The following PPHLN1 variants were observed in gnomAD, a reference collection of about 807,000 sequenced individuals.
PPHLN1 encodes periphilin 1.
In PPHLN1, 29 loss-of-function variants were observed where a neutral mutation model predicts 51.3. That is an observed-to-expected ratio of 0.57 (90% CI 0.42 to 0.77). The LOEUF is 0.77. Among genes scored for constraint, PPHLN1 ranks in the 30% least tolerant of loss-of-function variants. PPHLN1 has a pLI of 0.00. For missense variants in PPHLN1, 436 were observed against 438.4 expected (o/e 0.99, Z 0.05); for synonymous variants, 147 against 147.8 (o/e 0.99, Z 0.04).
intron 9 of PPHLN1, among the ~76,000 whole-genome samples, chr12:42,409,191 G>A (rs373187984): frequency 6.6e-6 from 1 of 152,076 alleles, no homozygotes; most frequent in African/African-American, 2.4e-5. Context: ...TGCTGATTGG[G>A]GGTGAGGGGA....
intron 9 of PPHLN1, among the ~76,000 whole-genome samples, chr12:42,415,793 T>G: frequency 6.6e-6 from 1 of 152,222 alleles, no homozygotes. Context: ...TTCTGAGAAA[T>G]GTAGTGTGTT....
intron 1 of PPHLN1, among the ~76,000 whole-genome samples, chr12:42,328,215 C>T (rs2069107831): frequency 6.6e-6 from 1 of 152,108 alleles, no homozygotes; most frequent in Admixed American, 6.5e-5. Context: ...GGAAAATAAA[C>T]AGCTCCGTGG....
chr12:42,365,418 T>C (rs1260630606), intron 4 of PPHLN1, among the ~76,000 whole-genome samples: 2 of 152,214 alleles, frequency 1.3e-5, no homozygotes, highest in Non-Finnish European at 2.9e-5. Context: ...CATTCTTCCC[T>C]TCCCTTGTAT....
At chr12:42,338,386 G>A (rs1251729301) in intron 2 of PPHLN1, among the ~76,000 whole-genome samples, 1 of 152,186 alleles carries the variant, frequency 6.6e-6, no homozygotes, top group Non-Finnish European at 1.5e-5. Flanking sequence ...AAGATGAGTA[G>A]TGGATCCAGG....
chr12:42,375,736 T>C (rs2076213876), intron 5 of PPHLN1, among the ~76,000 whole-genome samples: 1 of 152,232 alleles, frequency 6.6e-6, no homozygotes, highest in African/African-American at 2.4e-5. Flanking sequence ...CATGACATTC[T>C]GTACAATCTT....
chr12:42,397,936 A>G (rs1047493638), intron 8 of PPHLN1, among the ~76,000 whole-genome samples: 1 of 148,612 alleles, frequency 6.7e-6, no homozygotes, highest in Admixed American at 6.7e-5. Flanking sequence ...GTTGGCCAGT[A>G]TGGTCTTGAT....
intron 9 of PPHLN1, among the ~76,000 whole-genome samples, chr12:42,434,021 C>T (rs997588004): frequency 6.6e-6 from 1 of 152,174 alleles, no homozygotes; most frequent in Admixed American, 6.5e-5. Flanking sequence ...AGAGCTGCTA[C>T]AAAGGTGGTA....
intron 6 of PPHLN1, 41 bp downstream of exon 6, chr12:42,385,037 G>T: frequency 6.5e-7 from 1 of 1,539,154 alleles, no homozygotes; most frequent in Non-Finnish European, 9.0e-7. Context: ...TTGTGAAGGG[G>T]TGGGAGACTT....
chr12:42,333,283 T>A (rs1158927183), intron 1 of PPHLN1, among the ~76,000 whole-genome samples: 4 of 152,152 alleles, frequency 2.6e-5, no homozygotes, highest in Non-Finnish European at 5.9e-5. Flanking sequence ...TGTAACTGAT[T>A]GGTTCAGCAA....
chr12:42,401,937 C>A (rs1817080285), intron 9 of PPHLN1, among the ~76,000 whole-genome samples: 1 of 152,086 alleles, frequency 6.6e-6, no homozygotes, highest in Non-Finnish European at 1.5e-5. Flanking sequence ...TCACTGCAGC[C>A]ACCACCCCCC....
At position 42,393,566 on chromosome 12, in the gene PPHLN1, T is replaced by C. The variant is rs747229018; in HGVS notation, c.649-4T>C. 1 of 1,583,484 alleles carries C rather than the reference T, an allele frequency of 6.3e-7. No individual in the cohort carries two copies. The highest frequency in any genetic ancestry group is 8.5e-7 in the Non-Finnish European group (1 of 1,170,314). On this transcript the variant is annotated splice_polypyrimidine_tract_variant and splice_region_variant and intron_variant, in intron 7 of 9. Coordinates refer to ENST00000358314, the MANE Select transcript of PPHLN1 (RefSeq NM_201439.2). Reference sequence around the variant, plus strand: ...TTGTAACAGAAATGTTCTATTTTTATTAGGTGTTAGACAAACCCAGTAGGC... The same window carrying C: ...TTGTAACAGAAATGTTCTATTTTTACTAGGTGTTAGACAAACCCAGTAGGC...
chr12:42,428,818 TTC>T (rs1491089450), intron 9 of PPHLN1, among the ~76,000 whole-genome samples: 11,107 of 138,454 alleles, frequency 0.08, 447 homozygotes, highest in East Asian at 0.12. Flanking sequence ...CCTTTTTAAC[TTC>T]TTTTTTTTTT....
intron 9 of PPHLN1, among the ~76,000 whole-genome samples, chr12:42,439,069 T>G (rs186299138): frequency 6.6e-6 from 1 of 152,088 alleles, no homozygotes; most frequent in Admixed American, 6.6e-5. Flanking sequence ...TTTATTGGGG[T>G]TTTTCTTGGA....
At chr12:42,420,050 A>G (rs1234875861) in intron 9 of PPHLN1, among the ~76,000 whole-genome samples, 1 of 152,198 alleles carries the variant, frequency 6.6e-6, no homozygotes, top group African/African-American at 2.4e-5. Context: ...CTTCTTTGCC[A>G]TCAAAAAATA....
intron 4 of PPHLN1, among the ~76,000 whole-genome samples, chr12:42,373,626 C>G (rs749816921): frequency 3.9e-5 from 6 of 152,206 alleles, no homozygotes; most frequent in Non-Finnish European, 7.4e-5. Flanking sequence ...GGATTAAAAC[C>G]TGTTTGACTC....
chr12:42,366,785 A>G (rs966219319), intron 4 of PPHLN1, among the ~76,000 whole-genome samples: 1 of 152,202 alleles, frequency 6.6e-6, no homozygotes, highest in Non-Finnish European at 1.5e-5. Flanking sequence ...CATGAATAAT[A>G]TGCAACACTT....
At chr12:42,446,896 T>C (rs1593086915), downstream of PPHLN1, 1 of 391,304 alleles carries the variant, frequency 2.6e-6, no homozygotes, top group East Asian at 3.7e-5. Context: ...GTTTGTTTAC[T>C]TATGCCCTCC....
intron 9 of PPHLN1, among the ~76,000 whole-genome samples, chr12:42,431,334 T>C (rs1288703933): frequency 6.6e-6 from 1 of 152,166 alleles, no homozygotes; most frequent in Non-Finnish European, 1.5e-5. Context: ...GCCAGTGCTT[T>C]CATAAAGAAT....
chr12:42,343,503 A>G (rs1251573101), intron 2 of PPHLN1, among the ~76,000 whole-genome samples: 1 of 152,254 alleles, frequency 6.6e-6, no homozygotes, highest in African/African-American at 2.4e-5. Flanking sequence ...TATGTTTTTG[A>G]ATACATTTCA....
Sources: gnomAD v4.1 joint callset for allele counts (sites outside exome capture counted in the v4.1 genomes callset) on GRCh38, gnomAD v4.1.1 for gene constraint, MANE v1.5 for transcripts, NCBI Gene and HGNC (gene_info 2026-07-23, HGNC 2026-07-21) for gene names.